Variants in QKI observed in about 807,000 individuals in gnomAD.
QKI encodes the protein KH domain-containing RNA-binding protein QKI.
Under a neutral mutation model 39.0 loss-of-function variants are expected in QKI, and 10 were observed. That is an observed-to-expected ratio of 0.26 (90% CI 0.16 to 0.43). The LOEUF (loss-of-function observed/expected upper bound fraction) is 0.43. Among genes scored for constraint, QKI ranks in the 20% least tolerant of loss-of-function variants. The probability of loss-of-function intolerance (pLI) is 1.00; values close to 1 mark genes in which losing one functional copy is unlikely to be tolerated. For missense variants in QKI, 218 were observed against 428.0 expected (o/e 0.51, Z 4.33); for synonymous variants, 204 against 155.4 (o/e 1.31, Z -2.33).
intron 5 of QKI, 51 bp downstream of exon 5, chr6:163,562,120 C>T: frequency 7.1e-7 from 1 of 1,412,538 alleles, no homozygotes; most frequent in Non-Finnish European, 9.7e-7. Flanking sequence ...GTTGTTTTGT[C>T]TACAGACTTT....
chr6:163,569,576 T>A, intron 7 of QKI: 1 of 1,128,414 alleles, frequency 8.9e-7, no homozygotes, highest in Non-Finnish European at 1.1e-6. Flanking sequence ...AAAGGTTGAT[T>A]AAGGAAGGAA....
intron 1 of QKI, among the ~76,000 whole-genome samples, chr6:163,448,907 T>C (rs1376353184): frequency 6.6e-6 from 1 of 152,146 alleles, no homozygotes; most frequent in Non-Finnish European, 1.5e-5. Context: ...AGTCAAGCCT[T>C]AATTAAAGTT....
intron 3 of QKI, among the ~76,000 whole-genome samples, chr6:163,528,887 A>G (rs1200569391): frequency 2.0e-5 from 3 of 152,270 alleles, no homozygotes; most frequent in Middle Eastern, 3.4e-3. Context: ...AGCTCTGAAC[A>G]TATTTATACA....
At chr6:163,456,315 T>TC (rs1790908595) in intron 2 of QKI, among the ~76,000 whole-genome samples, 1 of 152,140 alleles carries the variant, frequency 6.6e-6, no homozygotes, top group Admixed American at 6.5e-5. Context: ...TCTCTCTGTC[T>TC]CCCCTGAAGA....
intron 4 of QKI, among the ~76,000 whole-genome samples, chr6:163,549,796 TGTA>T (rs547911418): frequency 2.0e-4 from 31 of 152,332 alleles, no homozygotes; most frequent in African/African-American, 7.5e-4. Flanking sequence ...AGTATGCAAT[TGTA>T]GTAATGTTTC....
At position 163,476,465 on chromosome 6, in the gene QKI, G is replaced by A. The variant is rs550133637; in HGVS notation, c.286-2315G>A. ...AATTAGGAGCTTGTGTTCATGAACA[G>A]AGCTGTCCGCTGCCAACCTTAATTT... On this transcript the variant is annotated intron_variant, in intron 2 of 7. Transcript: ENST00000361752. 8.5e-4 allele frequency among the ~76,000 whole-genome samples: 129 copies of A among 152,250 alleles called. 1 individual carries two copies. Among genetic ancestry groups the A allele is most frequent in the South Asian group, 3.9e-3 (19 of 4,826 alleles).
At chr6:163,506,360 G>T (rs566971070) in intron 3 of QKI, among the ~76,000 whole-genome samples, 1 of 152,168 alleles carries the variant, frequency 6.6e-6, no homozygotes, top group Non-Finnish European at 1.5e-5. Flanking sequence ...AAGGGAACAA[G>T]ATCAGTCAGT....
chr6:163,561,992 A>G lies in QKI; in HGVS notation c.557A>G (p.Glu186Gly). 1 of 1,612,742 alleles carries G rather than the reference A, an allele frequency of 6.2e-7. No homozygotes were observed. The highest frequency in any genetic ancestry group is 8.5e-7 in the Non-Finnish European group (1 of 1,179,470). Residue 186 changes from glutamate to glycine, a missense_variant, in exon 5 of 8, where the codon GAA (glutamate) becomes GGA (glycine). Physicochemically the swap from Glu to Gly is moderately conservative, Grantham distance 98. Transcript: ENST00000361752. The part of the protein sequence containing the change: ...KKLLVPAAEG[E>G]DSLKKMQLME... The stretch of plus-strand genomic sequence containing the variant: ...GTTTTCCATGTATAGGCAGAAGGAG[A>G]AGACAGCCTGAAGAAGATGCAGCTG...
At chr6:163,444,394 G>A (rs1321965747) in intron 1 of QKI, among the ~76,000 whole-genome samples, 1 of 152,192 alleles carries the variant, frequency 6.6e-6, no homozygotes, top group African/African-American at 2.4e-5. Context: ...TCCAGGTTGT[G>A]TAAACTCAAG....
At chr6:163,545,187 A>G (rs770932030) in intron 4 of QKI, among the ~76,000 whole-genome samples, 12 of 152,150 alleles carry the variant, frequency 7.9e-5, no homozygotes, top group Non-Finnish European at 1.3e-4. Context: ...AAAGCACTGC[A>G]GAAATTTAAA....
chr6:163,565,082 A>C (rs1267896373), intron 6 of QKI: 1 of 1,043,582 alleles, frequency 9.6e-7, no homozygotes, highest in African/African-American at 1.7e-5. Context: ...TTCATTGTAC[A>C]TGTTTTCTGT....
rs551720947 is a variant in QKI at position 163,472,524 on chromosome 6, T to G, written c.286-6256T>G. On this transcript the variant is annotated intron_variant, in intron 2 of 7. Coordinates refer to ENST00000361752, the MANE Select transcript of QKI (RefSeq NM_006775.3). Reference sequence around the variant, plus strand: ...TTGGTTGTAATTGCCTTTACACATATACAGCAAAAATAGAAGTAAAAGGCG... The same window carrying G: ...TTGGTTGTAATTGCCTTTACACATAGACAGCAAAAATAGAAGTAAAAGGCG... Among the ~76,000 whole-genome samples, 5 of 152,320 alleles carry G rather than the reference T, an allele frequency of 3.3e-5. No homozygotes were observed. In the East Asian group the frequency reaches 7.7e-4, roughly 23 times the overall value.
chr6:163,560,638 A>G (rs866990679), intron 4 of QKI, among the ~76,000 whole-genome samples: 1 of 152,226 alleles, frequency 6.6e-6, no homozygotes, highest in Non-Finnish European at 1.5e-5. Context: ...ATACGTGTGT[A>G]AAGTAGTAGG....
At chr6:163,512,803 C>T (rs1332057812) in intron 3 of QKI, among the ~76,000 whole-genome samples, 1 of 152,046 alleles carries the variant, frequency 6.6e-6, no homozygotes, top group Non-Finnish European at 1.5e-5. Context: ...ATTCTTTAAT[C>T]ATAGTGGAAT....
At chr6:163,438,490 C>A (rs1229814887) in intron 1 of QKI, among the ~76,000 whole-genome samples, 1 of 152,168 alleles carries the variant, frequency 6.6e-6, no homozygotes, top group African/African-American at 2.4e-5. Flanking sequence ...ATGGTATAGC[C>A]TACTACACAC....
In QKI at chr6:163,570,829, A is replaced by C. The variant is rs146558778; in HGVS notation, c.*119A>C. 34 of 1,341,264 alleles carry C rather than the reference A, an allele frequency of 2.5e-5. No individual in the cohort carries two copies. The Middle Eastern group carries it at 5.7e-4, about 22-fold the overall frequency. The allele number at this position is 1,341,264 out of a possible 1,614,324, so 83.1% of individuals were successfully genotyped here. On this transcript the variant is annotated 3_prime_UTR_variant, in exon 8 of 8. Transcript: ENST00000361752. ...TGTCGTCAGTGCAGCGAGCTGAGGC[A>C]CTTGTCCGTTCGTCTTACCATCTAA...
chr6:163,498,188 T>TTAAAA (rs577554473), intron 3 of QKI, among the ~76,000 whole-genome samples: 27 of 125,556 alleles, frequency 2.2e-4, no homozygotes, highest in African/African-American at 8.0e-4. Flanking sequence ...GCAGCTGTGG[T>TTAAAA]AAAAAAAAAA....
At chr6:163,429,480 T>C (rs1043980735) in intron 1 of QKI, among the ~76,000 whole-genome samples, 2 of 152,214 alleles carry the variant, frequency 1.3e-5, no homozygotes, top group East Asian at 1.9e-4. Context: ...TATTTCATGC[T>C]GTCGAGGTAT....
At chr6:163,434,443 G>C (rs1789084710) in intron 1 of QKI, among the ~76,000 whole-genome samples, 2 of 152,124 alleles carry the variant, frequency 1.3e-5, no homozygotes. Flanking sequence ...GGCCAAGTTT[G>C]TTAAAAAATA....
Sources: gnomAD v4.1 joint callset for allele counts (sites outside exome capture counted in the v4.1 genomes callset) on GRCh38, gnomAD v4.1.1 for gene constraint, MANE v1.5 for transcripts, NCBI Gene and HGNC (gene_info 2026-07-23, HGNC 2026-07-21) for gene names.